The following PARD3B variants were observed in gnomAD, a reference collection of about 807,000 sequenced individuals.
The protein encoded by PARD3B is par-3 family cell polarity regulator beta, also known as partitioning defective 3 homolog B.
PARD3B carries 103 observed loss-of-function variants against 130.2 expected under a neutral mutation model. That is an observed-to-expected ratio of 0.79 (90% confidence interval 0.67 to 0.93). PARD3B has a LOEUF of 0.93. Among genes scored for constraint, PARD3B ranks in the 40% least tolerant of loss-of-function variants. PARD3B has a pLI of 0.00. For synonymous variants in PARD3B, 583 were observed against 553.2 expected (o/e 1.05, Z -0.76); for missense variants, 1,609 against 1,499.2 (o/e 1.07, Z -1.21).
intron 2 of PARD3B, among the ~76,000 whole-genome samples, chr2:204,717,299 C>A (rs1009858574): frequency 6.6e-6 from 1 of 152,032 alleles, no homozygotes; most frequent in Non-Finnish European, 1.5e-5. Flanking sequence ...TCTTTTAAGT[C>A]CAAGAATATG....
intron 2 of PARD3B, among the ~76,000 whole-genome samples, chr2:204,749,855 TTTTC>T (rs1356091467): frequency 6.6e-6 from 1 of 152,226 alleles, no homozygotes; most frequent in Non-Finnish European, 1.5e-5. Flanking sequence ...TGGCTCTGAT[TTTTC>T]TTTTTTTAAA....
intron 11 of PARD3B, among the ~76,000 whole-genome samples, chr2:205,159,620 C>T (rs1411971652): frequency 2.0e-5 from 3 of 152,196 alleles, no homozygotes; most frequent in Non-Finnish European, 4.4e-5. Context: ...ATAATAACTA[C>T]TTCATAGGTT....
chr2:204,731,767 G>A (rs984693971), intron 2 of PARD3B, among the ~76,000 whole-genome samples: 1 of 152,142 alleles, frequency 6.6e-6, no homozygotes, highest in African/African-American at 2.4e-5. Context: ...ATATACAACT[G>A]TTTGTGGCCT....
At chr2:205,399,650 C>T (rs1431563131) in intron 18 of PARD3B, among the ~76,000 whole-genome samples, 1 of 152,112 alleles carries the variant, frequency 6.6e-6, no homozygotes, top group Non-Finnish European at 1.5e-5. Flanking sequence ...CCACCACACC[C>T]AGCTGCATCT....
At chr2:204,998,356 A>ATG (rs1272802972) in intron 3 of PARD3B, among the ~76,000 whole-genome samples, 29 of 65,038 alleles carry the variant, frequency 4.5e-4, no homozygotes, top group South Asian at 3.3e-3. Context: ...ATATATATAT[A>ATG]TATGTGTGTG....
intron 2 of PARD3B, among the ~76,000 whole-genome samples, chr2:204,727,000 T>A (rs993035718): frequency 6.6e-6 from 1 of 152,178 alleles, no homozygotes; most frequent in African/African-American, 2.4e-5. Flanking sequence ...ATCCTTCCCT[T>A]CCCCGCCCTG....
chr2:204,786,780 C>T (rs1574980458), intron 2 of PARD3B, among the ~76,000 whole-genome samples: 1 of 151,254 alleles, frequency 6.6e-6, no homozygotes, highest in East Asian at 2.0e-4. Flanking sequence ...ACATTACCAC[C>T]AATGCAATGA....
At chr2:204,823,854 C>A (rs979513540) in intron 2 of PARD3B, among the ~76,000 whole-genome samples, 2 of 151,392 alleles carry the variant, frequency 1.3e-5, no homozygotes, top group Non-Finnish European at 2.9e-5. Flanking sequence ...GCAGGAGAAT[C>A]GCTTGAGTCC....
chr2:204,559,556 G>A (rs924323710), intron 1 of PARD3B, among the ~76,000 whole-genome samples: 4 of 152,240 alleles, frequency 2.6e-5, no homozygotes, highest in Non-Finnish European at 4.4e-5. Context: ...TGGAGAGGAT[G>A]TGGAGAAATA....
intron 3 of PARD3B, among the ~76,000 whole-genome samples, chr2:205,035,914 T>C (rs1351133404): frequency 8.8e-6 from 1 of 114,032 alleles, no homozygotes; most frequent in African/African-American, 3.6e-5. Context: ...ATGAGATATA[T>C]CTCTGACTCC....
At chr2:205,224,969 G>A (rs892847018) in intron 15 of PARD3B, among the ~76,000 whole-genome samples, 1 of 152,008 alleles carries the variant, frequency 6.6e-6, no homozygotes, top group African/African-American at 2.4e-5. Flanking sequence ...TGTAGTACCT[G>A]ATTATTTATA....
At chr2:204,771,290 A>G (rs775581162) in intron 2 of PARD3B, among the ~76,000 whole-genome samples, 17 of 152,126 alleles carry the variant, frequency 1.1e-4, no homozygotes, top group Admixed American at 2.6e-4. Context: ...GCACTGCCAT[A>G]GATAGTATCT....
chr2:205,034,525 T>C (rs1475785385), intron 3 of PARD3B, among the ~76,000 whole-genome samples: 2 of 152,148 alleles, frequency 1.3e-5, no homozygotes, highest in African/African-American at 4.8e-5. Context: ...TCGGTAAATA[T>C]TTAATGACTC....
intron 19 of PARD3B, among the ~76,000 whole-genome samples, chr2:205,409,725 A>T (rs2046531171): frequency 6.6e-6 from 1 of 152,164 alleles, no homozygotes; most frequent in African/African-American, 2.4e-5. Context: ...CTCTCTACAA[A>T]TTGTTTTAAA....
chr2:204,945,235 C>A (rs725352), intron 2 of PARD3B, among the ~76,000 whole-genome samples: 32,072 of 152,052 alleles, frequency 0.21, 3,592 homozygotes, highest in African/African-American at 0.26. Flanking sequence ...ACTTTGTTTT[C>A]CTGAGGGGCT....
chr2:204,915,314 A>G (rs1177090615), intron 2 of PARD3B, among the ~76,000 whole-genome samples: 1 of 152,168 alleles, frequency 6.6e-6, no homozygotes, highest in Non-Finnish European at 1.5e-5. Context: ...TTTAATTTTA[A>G]TTTTAGAAAA....
At chr2:205,006,058 T>C (rs1013333263) in intron 3 of PARD3B, among the ~76,000 whole-genome samples, 2 of 152,150 alleles carry the variant, frequency 1.3e-5, no homozygotes, top group African/African-American at 2.4e-5. Context: ...TGAGAACATA[T>C]GATATTTGGT....
intron 2 of PARD3B, among the ~76,000 whole-genome samples, chr2:204,880,328 T>C (rs2045991800): frequency 6.6e-6 from 1 of 152,140 alleles, no homozygotes; most frequent in African/African-American, 2.4e-5. Flanking sequence ...ATCATACATA[T>C]ATAGAGAGAG....
At chr2:205,022,546 G>C (rs567213614) in intron 3 of PARD3B, among the ~76,000 whole-genome samples, 1 of 151,944 alleles carries the variant, frequency 6.6e-6, no homozygotes, top group African/African-American at 2.4e-5. Flanking sequence ...TGTCTAAAAC[G>C]TTTCTTTTTC....
Sources: allele counts gnomAD v4.1 joint callset (sites outside exome capture counted in the v4.1 genomes callset), GRCh38; gene constraint gnomAD v4.1.1; transcripts MANE v1.5; gene names NCBI Gene and HGNC (gene_info 2026-07-23, HGNC 2026-07-21).